PLA2G4A: variants seen among roughly 807,000 people sequenced by gnomAD.
The protein encoded by PLA2G4A is cytosolic phospholipase A2.
Under a neutral mutation model 81.9 loss-of-function variants are expected in PLA2G4A, and 40 were observed. That is an observed-to-expected ratio of 0.49 (90% confidence interval 0.38 to 0.64). PLA2G4A has a LOEUF of 0.64. Ranked by LOEUF, PLA2G4A falls within the 30% of genes least tolerant of loss-of-function variation. The pLI is 0.00. For synonymous variants in PLA2G4A, 302 were observed against 296.9 expected, an observed-to-expected ratio of 1.02 and a Z score of -0.18; for missense variants, 715 against 905.1, an observed-to-expected ratio of 0.79 and a Z score of 2.69.
chr1:186,830,982 C>A (rs1365643716), intron 1 of PLA2G4A, among the ~76,000 whole-genome samples: 3 of 138,192 alleles, frequency 2.2e-5, no homozygotes, highest in African/African-American at 7.8e-5. Flanking sequence ...TTCTTTCTTT[C>A]TTTCTTTCTT....
In PLA2G4A at chr1:186,828,997, C is replaced by T. The variant is rs1458544954; in HGVS notation, c.-108C>T. On this transcript the variant is annotated 5_prime_UTR_variant, in exon 1 of 18. Coordinates refer to ENST00000367466, the MANE Select transcript of PLA2G4A (RefSeq NM_024420.3). ...GTCCGGAGCTGAAAAAGGATCCTGA[C>T]TGAAAGCTAGAGGCATTGAGGAGCC... 1 of 152,132 alleles carries T rather than the reference C, an allele frequency of 6.6e-6. No individual in the cohort carries two copies. Among genetic ancestry groups the T allele is most frequent in the African/African-American group, 2.4e-5 (1 of 41,410 alleles). The allele number at this position is 152,132 out of a possible 1,614,324, so 9.4% of individuals were successfully genotyped here. A position where few individuals can be genotyped will look rare whatever the true frequency, so the allele number is the denominator to read the frequency against.
At chr1:186,893,772 A>C (rs1654233001) in intron 4 of PLA2G4A, among the ~76,000 whole-genome samples, 1 of 151,862 alleles carries the variant, frequency 6.6e-6, no homozygotes, top group Admixed American at 6.6e-5. Context: ...AAAAATACAA[A>C]AATTTGCTGG....
chr1:186,851,398 A>G (rs566127091), intron 1 of PLA2G4A, among the ~76,000 whole-genome samples: 2 of 152,098 alleles, frequency 1.3e-5, no homozygotes, highest in South Asian at 4.1e-4. Context: ...GGGAAATGAT[A>G]TGAGGGAAAT....
At chr1:186,844,563 A>C (rs1204214105) in intron 1 of PLA2G4A, among the ~76,000 whole-genome samples, 2 of 152,168 alleles carry the variant, frequency 1.3e-5, no homozygotes, top group Non-Finnish European at 2.9e-5. Flanking sequence ...TTCTATTAAA[A>C]ATTTATTGTT....
intron 1 of PLA2G4A, among the ~76,000 whole-genome samples, chr1:186,838,576 G>C (rs1237604106): frequency 6.6e-6 from 1 of 152,096 alleles, no homozygotes; most frequent in Non-Finnish European, 1.5e-5. Flanking sequence ...AGGCCTCTTT[G>C]TACACTTCAG....
At chr1:186,847,419 T>C (rs528694073) in intron 1 of PLA2G4A, among the ~76,000 whole-genome samples, 35 of 151,746 alleles carry the variant, frequency 2.3e-4, no homozygotes, top group African/African-American at 8.4e-4. Context: ...CTGCCCGGTT[T>C]TGTCAATGTG....
At chr1:186,960,024 C>T (rs1656891656) in intron 14 of PLA2G4A, among the ~76,000 whole-genome samples, 1 of 152,086 alleles carries the variant, frequency 6.6e-6, no homozygotes, top group Admixed American at 6.6e-5. Flanking sequence ...AATCTCTCAA[C>T]CTAAAATCAG....
In PLA2G4A at chr1:186,988,848, A is replaced by G. The variant is rs1375832053; in HGVS notation, c.*340A>G. 4 of 224,766 alleles carry G rather than the reference A, an allele frequency of 1.8e-5. No individual in the cohort carries two copies. In the East Asian group the frequency reaches 4.2e-4, roughly 24 times the overall value. 13.9% of individuals were successfully genotyped at this position (224,766 alleles called of 1,614,324 possible). On this transcript the variant is annotated 3_prime_UTR_variant, in exon 18 of 18. Transcript: ENST00000367466. ...TTCTTTTAAAATATTTAACAGTTCAATCTCAATAAGACCTCGCATTATGTA... is the reference window on the plus strand; with the variant it reads ...TTCTTTTAAAATATTTAACAGTTCAGTCTCAATAAGACCTCGCATTATGTA...
rs557606698 is a variant in PLA2G4A, at chr1:186,876,593, C to T, written c.115+6077C>T. Among the ~76,000 whole-genome samples the T allele has an allele frequency of 3.3e-5, 5 of 152,192 alleles. No individual in the cohort carries two copies. In the South Asian group the frequency reaches 1.0e-3, roughly 32 times the overall value. On this transcript the variant is annotated intron_variant, in intron 3 of 17. Coordinates refer to ENST00000367466, the MANE Select transcript of PLA2G4A (RefSeq NM_024420.3). ...CTGTTTGCCATCACTGGCATCAACC[C>T]GTCTGTTAAATGTTGTCTTCGTGGA... is the stretch of plus-strand genomic sequence containing the variant.
At chr1:186,936,281 T>C (rs1456831908) in intron 8 of PLA2G4A, among the ~76,000 whole-genome samples, 1 of 151,878 alleles carries the variant, frequency 6.6e-6, no homozygotes, top group Non-Finnish European at 1.5e-5. Context: ...AAAGAAACAA[T>C]ATTAACAGAA....
In PLA2G4A at chr1:186,971,391, G is replaced by A. The variant is rs192693067; in HGVS notation, c.1764+5798G>A. On this transcript the variant is annotated intron_variant, in intron 15 of 17. Transcript: ENST00000367466. ...TCTACCTGTGCATTCTCTTAGATGT[G>A]TTTTAAAATCATTTTGTCAATTCTT... Among the ~76,000 whole-genome samples the A allele has an allele frequency of 2.6e-3, 398 of 151,928 alleles. 3 individuals are homozygous for A. Among genetic ancestry groups the A allele is most frequent in the African/African-American group, 8.6e-3 (358 of 41,508 alleles).
At position 186,893,005 on chromosome 1, in the gene PLA2G4A, C is replaced by T. The variant is rs1006988698; in HGVS notation, c.116-6C>T. 1 of 1,601,516 alleles carries T rather than the reference C, an allele frequency of 6.2e-7. No homozygotes were observed. Among genetic ancestry groups the T allele is most frequent in the African/African-American group, 1.3e-5 (1 of 74,672 alleles). ...CCTCCTTCTTGTTTGTGTTTACTAT[C>T]TGTAGTTGATACTCCAGATCCCTAT... On this transcript the variant is annotated splice_region_variant and splice_polypyrimidine_tract_variant and intron_variant, in intron 3 of 17. Coordinates refer to ENST00000367466, the MANE Select transcript of PLA2G4A (RefSeq NM_024420.3).
rs184300013 is a variant in PLA2G4A, at chr1:186,918,630, T to C, written c.558+7241T>C. 3.7e-4 allele frequency among the ~76,000 whole-genome samples: 56 copies of C among 152,346 alleles called. No homozygotes were observed. In the East Asian group the frequency reaches 0.01, roughly 27 times the overall value. On this transcript the variant is annotated intron_variant, in intron 7 of 17. Coordinates refer to ENST00000367466, the MANE Select transcript of PLA2G4A (RefSeq NM_024420.3). ...TGTATAACTCCCAGTCTACTGATGA[T>C]GCCCATGGCTGGTCCCGAAGGTCAG...
chr1:186,837,736 CAA>C (rs750655561), intron 1 of PLA2G4A, among the ~76,000 whole-genome samples: 6 of 55,212 alleles, frequency 1.1e-4, no homozygotes, highest in Admixed American at 2.4e-4. Context: ...GACTCCGTCT[CAA>C]AAAAAAAAAA....
At position 186,956,493 on chromosome 1, in the gene PLA2G4A, A is replaced by G. The variant is rs1656758903; in HGVS notation, c.1579+149A>G. On this transcript the variant is annotated intron_variant, in intron 14 of 17. Transcript: ENST00000367466. Reference sequence around the variant, plus strand: ...AATGTGTGAAGGGCTTCAAATGACTAGGGTTTTTTTTTTGTTGTTGTTTGT... The same window carrying G: ...AATGTGTGAAGGGCTTCAAATGACTGGGGTTTTTTTTTTGTTGTTGTTTGT... The G allele has an allele frequency of 1.5e-5, 12 of 819,948 alleles. No individual in the cohort carries two copies. The South Asian group carries it at 1.8e-4, about 12-fold the overall frequency. The allele number at this position is 819,948 out of a possible 1,614,324, so 50.8% of individuals were successfully genotyped here. A position where few individuals can be genotyped will look rare whatever the true frequency, so the allele number is the denominator to read the frequency against.
At chr1:186,829,611 A>G (rs1250339971) in intron 1 of PLA2G4A, among the ~76,000 whole-genome samples, 1 of 152,122 alleles carries the variant, frequency 6.6e-6, no homozygotes, top group East Asian at 1.9e-4. Flanking sequence ...CCCTTCCCCT[A>G]AGTTACTTGG....
chr1:186,916,247 CT>C (rs1286261514), intron 7 of PLA2G4A, among the ~76,000 whole-genome samples: 4 of 152,140 alleles, frequency 2.6e-5, no homozygotes, highest in African/African-American at 9.7e-5. Flanking sequence ...ACACGCTCCC[CT>C]TTTTTCCAGT....
chr1:186,870,728 G>T lies in PLA2G4A; in HGVS notation c.115+212G>T, dbSNP rs182983931. The T allele has an allele frequency of 1.9e-6, 3 of 1,557,790 alleles. No homozygotes were observed. The African/African-American group carries it at 4.2e-5, about 22-fold the overall frequency. ...TTAAATTAGCCAAAGTGACAAAGGG[G>T]GCCTTTGGTGACATGCGTAAGAGTG... On this transcript the variant is annotated intron_variant, in intron 3 of 17. Transcript: ENST00000367466.
intron 7 of PLA2G4A, among the ~76,000 whole-genome samples, chr1:186,919,890 G>C (rs996166239): frequency 2.0e-5 from 3 of 152,176 alleles, no homozygotes; most frequent in Admixed American, 6.5e-5. Flanking sequence ...AGGCAGGAGG[G>C]GGGGTGTTCC....
Sources: allele counts gnomAD v4.1 joint callset (sites outside exome capture counted in the v4.1 genomes callset), GRCh38; gene constraint gnomAD v4.1.1; transcripts MANE v1.5; gene names NCBI Gene and HGNC (gene_info 2026-07-23, HGNC 2026-07-21).